Variants in SLFN5 observed in about 807,000 individuals in gnomAD.
SLFN5 encodes schlafen family member 5.
A neutral mutation model predicts 48.5 loss-of-function variants in SLFN5; 34 were observed. That is an observed-to-expected ratio of 0.70 (90% confidence interval 0.53 to 0.93). SLFN5 has a LOEUF of 0.93. Ranked by LOEUF, SLFN5 falls within the 40% of genes least tolerant of loss-of-function variation. SLFN5 has a pLI of 0.00. For missense variants in SLFN5, 1,006 were observed against 1,071.3 expected, an observed-to-expected ratio of 0.94 and a Z score of 0.85; for synonymous variants, 387 against 396.2, an observed-to-expected ratio of 0.98 and a Z score of 0.28.
chr17:35,250,609 G>T (rs542186425), intron 1 of SLFN5, among the ~76,000 whole-genome samples: 24 of 149,882 alleles, frequency 1.6e-4, no homozygotes, highest in Non-Finnish European at 2.1e-4. Context: ...GCAGTGAGCC[G>T]AGGTCGCGCC....
In SLFN5 at chr17:35,265,401, G is replaced by A. The variant is rs759872683; in HGVS notation, c.2189G>A (p.Arg730Gln). 2.3e-5 allele frequency: 37 copies of A among 1,614,140 alleles called. No individual in the cohort carries two copies. The highest frequency in any genetic ancestry group is 6.7e-5 in the Admixed American group (4 of 60,018). The change falls in exon 5 of 5, where the codon CGA becomes CAA. Residue 730 changes from arginine (R) to glutamine (Q), a missense_variant. Transcript: ENST00000299977. ...NYLQQVMQEARQNPPPNLPPG... is the reference protein window; with the variant it reads ...NYLQQVMQEAQQNPPPNLPPG... ...CTACAACAAGTAATGCAGGAAGCCC[G>A]ACAAAATCCTCCACCTAACCTCCCC...
intron 1 of SLFN5, among the ~76,000 whole-genome samples, chr17:35,245,961 G>A (rs1475866541): frequency 6.6e-6 from 1 of 151,982 alleles, no homozygotes; most frequent in Non-Finnish European, 1.5e-5. Flanking sequence ...ATCCCTACAA[G>A]GAGTATATGA....
chr17:35,261,281 C>T (rs1904513690), intron 3 of SLFN5, among the ~76,000 whole-genome samples, 185 bp downstream of exon 3: 2 of 152,110 alleles, frequency 1.3e-5, no homozygotes, highest in South Asian at 4.1e-4. Flanking sequence ...GGTAGGAAAG[C>T]ATTTCCTAAA....
At position 35,259,729 on chromosome 17, in the gene SLFN5, G is replaced by T. The variant is rs371857941; in HGVS notation, c.1012+27G>T. On this transcript the variant is annotated intron_variant, in intron 2 of 4. Coordinates refer to ENST00000299977, the MANE Select transcript of SLFN5 (RefSeq NM_144975.4). ...TTAGGGAGCAATATCCACAATGGTT[G>T]TAATGTTTGCTGGCAGCAAGGCAGG... 6.3e-6 allele frequency: 10 copies of T among 1,592,644 alleles called. No individual in the cohort carries two copies. In the African/African-American group the frequency reaches 1.3e-4, roughly 21 times the overall value.
rs142502710 is a variant in SLFN5 at position 35,259,518 on chromosome 17, T to C, written c.828T>C (p.Tyr276=). The stretch of plus-strand genomic sequence containing the variant: ...GCACACAGAGGCCTGAGATAAAATA[T>C]GTCCTTAACTTCCTTGAAGTGCATG... ...HFCTQRPEIK[Y]VLNFLEVHDK... is the part of the protein sequence containing the mutation. The change falls in exon 2 of 5, where the codon TAT becomes TAC. Residue 276 remains tyrosine (Y), a synonymous_variant. Coordinates refer to ENST00000299977, the MANE Select transcript of SLFN5 (RefSeq NM_144975.4). The C allele has an allele frequency of 8.7e-6, 14 of 1,614,086 alleles. No homozygotes were observed. The highest frequency in any genetic ancestry group is 1.7e-5 in the Admixed American group (1 of 60,002).
Position 35,259,503 on chromosome 17 carries a change from G to T in SLFN5, c.813G>T (p.Arg271Ser), listed in dbSNP as rs780012368. 8 of 1,614,190 alleles carry T rather than the reference G, an allele frequency of 5.0e-6. No homozygotes were observed. The highest frequency in any genetic ancestry group is 6.8e-6 in the Non-Finnish European group (8 of 1,180,044). Residue 271 changes from arginine to serine, a missense_variant, in exon 2 of 5, where the codon AGG (arginine) becomes AGT (serine). Transcript: ENST00000299977. ...CTGTCCATCATTTCTGCACACAGAG[G>T]CCTGAGATAAAATATGTCCTTAACT... is the stretch of plus-strand genomic sequence containing the variant. ...KLPVHHFCTQ[R>S]PEIKYVLNFL...
At chr17:35,261,120 T>G (rs1904508278) in intron 3 of SLFN5, 24 bp downstream of exon 3, 1 of 1,608,642 alleles carries the variant, frequency 6.2e-7, no homozygotes, top group Non-Finnish European at 8.5e-7. Flanking sequence ...TCTGGTTGCT[T>G]TGGAATATGT....
At chr17:35,250,386 G>A (rs1002070735) in intron 1 of SLFN5, among the ~76,000 whole-genome samples, 2 of 152,160 alleles carry the variant, frequency 1.3e-5, no homozygotes, top group East Asian at 1.9e-4. Flanking sequence ...ATGGCTGGGC[G>A]CGGTGGCTCA....
chr17:35,251,703 C>CTT (rs34854448), intron 1 of SLFN5, among the ~76,000 whole-genome samples: 2 of 84,968 alleles, frequency 2.4e-5, no homozygotes, highest in African/African-American at 9.3e-5. Context: ...GGCGCCCGGA[C>CTT]TTTTTTTTTT....
In SLFN5 at chr17:35,258,926, C is replaced by G. The variant is rs1032699541; in HGVS notation, c.236C>G (p.Pro79Arg). ...YERHGVGLDV[P>R]PIFRSHLDKM... ...CGTCATGGAGTAGGATTGGATGTGC[C>G]TCCAATTTTCAGAAGCCATTTAGAT... Residue 79 changes from proline to arginine, a missense_variant, in exon 2 of 5, where the codon CCT (proline) becomes CGT (arginine). Pro to Arg is a moderately radical substitution (Grantham distance 103, BLOSUM62 -2). Transcript: ENST00000299977. 7 of 1,614,016 alleles carry G rather than the reference C, an allele frequency of 4.3e-6. No individual in the cohort carries two copies. The Admixed American group carries it at 6.7e-5, about 15-fold the overall frequency.
At position 35,266,177 on chromosome 17, in the gene SLFN5, T is replaced by TGC. The variant is rs549012700; in HGVS notation, c.*298_*299dup. 0.011 allele frequency: 1,946 copies of TGC among 173,322 alleles called. 45 individuals are homozygous for TGC. Among genetic ancestry groups the TGC allele is most frequent in the African/African-American group, 0.044 (1,695 of 38,496 alleles). The allele number at this position is 173,322 out of a possible 1,614,324, so 10.7% of individuals were successfully genotyped here. Reference sequence around the variant, plus strand: ...GTGTGTGTGTGTGTGTGTGTGTGTGTGCGCGCGCGCACGTGCACATGTGTG... The same window carrying TGC: ...GTGTGTGTGTGTGTGTGTGTGTGTGTGCGCGCGCGCGCACGTGCACATGTGTG... On this transcript the variant is annotated 3_prime_UTR_variant, in exon 5 of 5. Coordinates refer to ENST00000299977, the MANE Select transcript of SLFN5 (RefSeq NM_144975.4).
In SLFN5 at chr17:35,259,586, A is replaced by C; in HGVS notation, c.896A>C (p.Glu299Ala). The C allele has an allele frequency of 6.2e-7, 1 of 1,612,852 alleles. No homozygotes were observed. Among genetic ancestry groups the C allele is most frequent in the Non-Finnish European group, 8.5e-7 (1 of 1,180,012 alleles). ...GGATATGTCTGTGCAATCAAGGTGG[A>C]GAAATTCTGCTGTGCGGTGTTTGCC... is the stretch of plus-strand genomic sequence containing the variant. ...LRGYVCAIKVEKFCCAVFAKV... is the reference protein window; with the variant it reads ...LRGYVCAIKVAKFCCAVFAKV... Residue 299 changes from glutamate (E) to alanine (A), a missense_variant, in exon 2 of 5, where the codon GAG (glutamate) becomes GCG (alanine). Physicochemically the swap from Glu to Ala is moderately radical, Grantham distance 107. Transcript: ENST00000299977.
Position 35,260,335 on chromosome 17 carries a change from GA to G in SLFN5, c.1013-630del, listed in dbSNP as rs371989859. Among the ~76,000 whole-genome samples, 378 of 152,322 alleles carry G rather than the reference GA, an allele frequency of 2.5e-3. 1 individual carries two copies. The highest frequency in any genetic ancestry group is 8.8e-3 in the African/African-American group (366 of 41,552). The stretch of plus-strand genomic sequence containing the variant: ...CAATAGTAACTTCTTCAAAGGTCCA[GA>G]AAAAACAAAGTCCACCTCAGAATCT... On this transcript the variant is annotated intron_variant, in intron 2 of 4. Coordinates refer to ENST00000299977, the MANE Select transcript of SLFN5 (RefSeq NM_144975.4).
At chr17:35,248,992 C>T (rs1160780894) in intron 1 of SLFN5, among the ~76,000 whole-genome samples, 1 of 152,102 alleles carries the variant, frequency 6.6e-6, no homozygotes, top group Non-Finnish European at 1.5e-5. Context: ...GGCAAAGTCT[C>T]CTAAAAGCCA....
chr17:35,264,040 ATTGT>A (rs1349109679), intron 3 of SLFN5, 139 bp from the exon 4 acceptor site: 3 of 1,051,376 alleles, frequency 2.9e-6, no homozygotes, highest in African/African-American at 1.6e-5. Flanking sequence ...CAAAATAAGA[ATTGT>A]TTATCTTTTT....
intron 1 of SLFN5, among the ~76,000 whole-genome samples, chr17:35,251,838 C>G (rs2092443325): frequency 6.6e-6 from 1 of 151,314 alleles, no homozygotes; most frequent in Non-Finnish European, 1.5e-5. Context: ...CTCAACCTCC[C>G]GAGTAGCTGG....
At position 35,265,577 on chromosome 17, in the gene SLFN5, G is replaced by A. The variant is rs971325685; in HGVS notation, c.2365G>A (p.Asp789Asn). 9 of 1,614,094 alleles carry A rather than the reference G, an allele frequency of 5.6e-6. No individual in the cohort carries two copies. Among genetic ancestry groups the A allele is most frequent in the African/African-American group, 1.3e-5 (1 of 74,930 alleles). Reference sequence around the variant, plus strand: ...CTTGCGGAATGGTTATTCTCCGAAGGATATTGCTGTGCTTTTCACCAAAGC... The same window carrying A: ...CTTGCGGAATGGTTATTCTCCGAAGAATATTGCTGTGCTTTTCACCAAAGC... Reference protein sequence around the residue: ...FLLRNGYSPKDIAVLFTKASE... With the variant: ...FLLRNGYSPKNIAVLFTKASE... Residue 789 changes from aspartate to asparagine, a missense_variant, in exon 5 of 5, where the codon GAT becomes AAT. Transcript: ENST00000299977.
At position 35,259,386 on chromosome 17, in the gene SLFN5, T is replaced by C. The variant is rs533647232; in HGVS notation, c.696T>C (p.His232=). 63 of 1,614,150 alleles carry C rather than the reference T, an allele frequency of 3.9e-5. 3 individuals are homozygous for C. In the South Asian group the frequency reaches 6.3e-4, roughly 16 times the overall value. Residue 232 remains histidine (H), a synonymous_variant, in exon 2 of 5, where the codon CAT becomes CAC. Transcript: ENST00000299977. ...TEGGYVFFGV[H]DETCQVIGCE... ...GAGGATATGTATTTTTTGGTGTGCATGATGAGACTTGTCAAGTGATTGGAT... is the reference window on the plus strand; with the variant it reads ...GAGGATATGTATTTTTTGGTGTGCACGATGAGACTTGTCAAGTGATTGGAT...
At chr17:35,258,613 T>G in intron 1 of SLFN5, 38 bp from the exon 2 acceptor site, 1 of 1,521,432 alleles carries the variant, frequency 6.6e-7, no homozygotes, top group Non-Finnish European at 8.8e-7. Flanking sequence ...TCTCCTATTC[T>G]TGTCCTGTTC....
Sources: allele counts gnomAD v4.1 joint callset (sites outside exome capture counted in the v4.1 genomes callset), GRCh38; gene constraint gnomAD v4.1.1; transcripts MANE v1.5; gene names NCBI Gene and HGNC (gene_info 2026-07-23, HGNC 2026-07-21).